Variants in CCDC88B observed in about 807,000 individuals in gnomAD.
CCDC88B encodes the protein coiled-coil domain-containing protein 88B.
Under a neutral mutation model 183.7 loss-of-function variants are expected in CCDC88B, and 138 were observed. The ratio of observed to expected loss-of-function variants is 0.75; its 90% CI spans 0.65 to 0.87. The LOEUF (loss-of-function observed/expected upper bound fraction) is 0.87. Among genes scored for constraint, CCDC88B ranks in the 40% least tolerant of loss-of-function variants. CCDC88B has a pLI of 0.00. For synonymous variants in CCDC88B, 835 were observed against 867.5 expected (o/e 0.96, Z 0.66); for missense variants, 1,822 against 1,965.6 (o/e 0.93, Z 1.38).
Position 64,340,609 on chromosome 11 carries a change from G to A in CCDC88B, c.63G>A (p.Ala21=), listed in dbSNP as rs2035794695. 1 of 1,608,018 alleles carries A rather than the reference G, an allele frequency of 6.2e-7. No homozygotes were observed. The highest frequency in any genetic ancestry group is 8.5e-7 in the Non-Finnish European group (1 of 1,178,982). Residue 21 remains alanine, a splice_region_variant and synonymous_variant, in exon 2 of 27, where the codon GCG becomes GCA. Coordinates refer to ENST00000356786, the MANE Select transcript of CCDC88B (RefSeq NM_032251.6). ...DFLSGSLATW[A]LGLAGLVGEA... is the part of the protein sequence containing the mutation. ...TGACCCCTCTGGGCTCCTCACAGGC[G>A]CTGGGACTGGCCGGGCTGGTCGGGG...
In CCDC88B at chr11:64,341,430, C is replaced by A. The variant is rs961976142; in HGVS notation, c.457C>A (p.Arg153=). 3.1e-6 allele frequency: 5 copies of A among 1,613,946 alleles called. No individual in the cohort carries two copies. Among genetic ancestry groups the A allele is most frequent in the Non-Finnish European group, 4.2e-6 (5 of 1,179,990 alleles). Residue 153 remains arginine, a synonymous_variant, in exon 6 of 27, where the codon CGG becomes AGG. Coordinates refer to ENST00000356786, the MANE Select transcript of CCDC88B (RefSeq NM_032251.6). ...TCCTGTCTCCCCTCAGTGTGAGCAC[C>A]GGGAACTCTTCATCCGCCACATCCA... ...LLGASVQCEH[R]ELFIRHIQGL...
At position 64,352,730 on chromosome 11, in the gene CCDC88B, C is replaced by G. The variant is rs751222360; in HGVS notation, c.3357-14C>G. 1.9e-6 allele frequency: 3 copies of G among 1,613,362 alleles called. No homozygotes were observed. The highest frequency in any genetic ancestry group is 2.5e-6 in the Non-Finnish European group (3 of 1,180,002). On this transcript the variant is annotated splice_polypyrimidine_tract_variant and intron_variant, in intron 19 of 26. Coordinates refer to ENST00000356786, the MANE Select transcript of CCDC88B (RefSeq NM_032251.6). ...TAGGTTCACACAGCCCTCTTAGCCC[C>G]TTGTCCATCCCAGGCACGAGCAGCT...
rs769320748 is a variant in CCDC88B at position 64,344,302 on chromosome 11, G to A, written c.1761G>A (p.Glu587=). The A allele has an allele frequency of 1.9e-6, 3 of 1,613,720 alleles. No homozygotes were observed. Among genetic ancestry groups the A allele is most frequent in the Non-Finnish European group, 1.7e-6 (2 of 1,179,972 alleles). ...QESGSPVETQ[E]SPEKAGRRSS... ...CAGGCTCTCCTGTGGAGACACAGGA[G>A]TCCCCGGAGAAGGCTGGCCGTAGAT... Residue 587 remains glutamate (E), a synonymous_variant, in exon 14 of 27, where the codon GAG becomes GAA. Coordinates refer to ENST00000356786, the MANE Select transcript of CCDC88B (RefSeq NM_032251.6). This position sits in a 1 kb window ranked among gnomAD's most constrained non-coding sequence, Gnocchi z 4.5.
intron 17 of CCDC88B, 76 bp downstream of exon 17, chr11:64,351,331 C>T: frequency 6.7e-7 from 1 of 1,497,248 alleles, no homozygotes; most frequent in Non-Finnish European, 9.0e-7. Context: ...GGACCCTGGG[C>T]TGGGGGGTAT....
At chr11:64,352,068 C>T in intron 18 of CCDC88B, 62 bp from the exon 19 acceptor site, 1 of 1,514,218 alleles carries the variant, frequency 6.6e-7, no homozygotes, top group East Asian at 2.3e-5. Context: ...CCCCCCGCCT[C>T]TCACTCGATT....
intron 26 of CCDC88B, chr11:64,356,143 C>T (rs950638066): frequency 5.3e-5 from 8 of 151,872 alleles, no homozygotes; most frequent in African/African-American, 1.9e-4. Context: ...GGCCACCACG[C>T]CAGGCTAATT....
At chr11:64,342,459 T>C in intron 9 of CCDC88B, 63 bp from the exon 10 acceptor site, 1 of 1,540,330 alleles carries the variant, frequency 6.5e-7, no homozygotes, top group Non-Finnish European at 8.7e-7. Flanking sequence ...ACCCGGCTCC[T>C]TCCCGTCCCT....
intron 10 of CCDC88B, 132 bp downstream of exon 10, chr11:64,342,812 G>T: frequency 8.7e-7 from 1 of 1,149,270 alleles, no homozygotes; most frequent in Admixed American, 3.1e-5. Context: ...AAATGGGTGA[G>T]GACAAATTCA....
In CCDC88B at chr11:64,349,373, C is replaced by A. The variant is rs149017597; in HGVS notation, c.2659C>A (p.Arg887=). The A allele has an allele frequency of 6.2e-7, 1 of 1,612,836 alleles. No homozygotes were observed. The highest frequency in any genetic ancestry group is 1.1e-5 in the South Asian group (1 of 90,944). ...GGTGCGGGGCAAGGAGTTGGGGGAC[C>A]GGCTGGAGCATTTGCAGCGTGAGCT... ...AVVRGKELGD[R]LEHLQRELEQ... is the part of the protein sequence containing the mutation. The change falls in exon 15 of 27, where the codon CGG becomes AGG. Residue 887 remains arginine (R), a synonymous_variant. Coordinates refer to ENST00000356786, the MANE Select transcript of CCDC88B (RefSeq NM_032251.6).
rs767743411 is a variant in CCDC88B, at chr11:64,349,672, A to G, written c.2862+4A>G. On this transcript the variant is annotated splice_donor_region_variant and intron_variant, in intron 16 of 26. Coordinates refer to ENST00000356786, the MANE Select transcript of CCDC88B (RefSeq NM_032251.6). ...GCTGGAAGAGGAGCTGTTCCAGGTG[A>G]TGCCTGCCCGCCTGGGAGCTGGGGG... 4 of 1,584,334 alleles carry G rather than the reference A, an allele frequency of 2.5e-6. No individual in the cohort carries two copies. Among genetic ancestry groups the G allele is most frequent in the Non-Finnish European group, 3.4e-6 (4 of 1,165,242 alleles).
At chr11:64,351,302 G>T (rs1229148626) in intron 17 of CCDC88B, 47 bp downstream of exon 17, 1 of 1,500,848 alleles carries the variant, frequency 6.7e-7, no homozygotes, top group Admixed American at 2.2e-5. Flanking sequence ...CCCGTGCAGT[G>T]TGAGTGTGGG....
At chr11:64,343,637 G>A (rs1337581414) in intron 12 of CCDC88B, 22 bp downstream of exon 12, 6 of 1,548,794 alleles carry the variant, frequency 3.9e-6, no homozygotes, top group Non-Finnish European at 5.2e-6. Context: ...CACTGGAAGG[G>A]CTGGGGTGGG....
chr11:64,344,454 C>A lies in CCDC88B; in HGVS notation c.1913C>A (p.Ala638Asp), dbSNP rs770825285. Residue 638 changes from alanine (A) to aspartate (D), a missense_variant, in exon 14 of 27, where the codon GCC (alanine) becomes GAC (aspartate). Transcript: ENST00000356786. The surrounding 1 kb of genome is among the most constrained non-coding windows in gnomAD (Gnocchi z 4.5). The part of the protein sequence containing the change: ...EAPQGELVPE[A>D]WGLRQEGPEH... ...CCCCAAGGCGAGTTGGTGCCTGAGG[C>A]CTGGGGGTTGAGACAGGAGGGCCCT... is the stretch of plus-strand genomic sequence containing the variant. 1.9e-6 allele frequency: 3 copies of A among 1,594,082 alleles called. No homozygotes were observed. The highest frequency in any genetic ancestry group is 2.6e-6 in the Non-Finnish European group (3 of 1,170,672).
Position 64,342,645 on chromosome 11 carries a change from CTGCAGGCGGCTG to C in CCDC88B, c.1028_1039del (p.Leu343_Glu347delinsGln). On this transcript the variant is annotated inframe_deletion, in exon 10 of 27. Coordinates refer to ENST00000356786, the MANE Select transcript of CCDC88B (RefSeq NM_032251.6). Reference sequence around the variant, plus strand: ...GGAGCTGAGGCGCTGCCGCGAGCGGCTGCAGGCGGCTGAGGCCTACAAGAGTCAGCTGGAGGT... The same window carrying C: ...GGAGCTGAGGCGCTGCCGCGAGCGGCAGGCCTACAAGAGTCAGCTGGAGGT... 1 of 1,520,226 alleles carries C rather than the reference CTGCAGGCGGCTG, an allele frequency of 6.6e-7. No homozygotes were observed. Among genetic ancestry groups the C allele is most frequent in the Non-Finnish European group, 8.8e-7 (1 of 1,140,818 alleles). The allele number at this position is 1,520,226 out of a possible 1,614,324, so 94.2% of individuals were successfully genotyped here.
intron 14 of CCDC88B, chr11:64,348,714 C>G: frequency 7.0e-6 from 3 of 428,078 alleles, no homozygotes; most frequent in Non-Finnish European, 1.3e-5. Flanking sequence ...CCTGCCAGGC[C>G]CCCCATGTGG....
chr11:64,343,706 C>G, intron 12 of CCDC88B, 72 bp from the exon 13 acceptor site: 5 of 1,532,558 alleles, frequency 3.3e-6, no homozygotes, highest in Non-Finnish European at 4.4e-6. Context: ...TCCCTTCTCC[C>G]AAGCCTCTGG....
intron 9 of CCDC88B, 63 bp downstream of exon 9, chr11:64,342,438 C>A: frequency 1.3e-6 from 2 of 1,545,866 alleles, no homozygotes; most frequent in Non-Finnish European, 1.7e-6. Flanking sequence ...GGTCCCATTG[C>A]CTCCCTCCCA....
Position 64,353,782 on chromosome 11 carries a change from G to A in CCDC88B, c.3901G>A (p.Val1301Met), listed in dbSNP as rs1355835795. Reference sequence around the variant, plus strand: ...GGAGAAGATCATGGACCAATACCGCGTGCTGGAGCCTGTGCCCCTGCCCCG... The same window carrying A: ...GGAGAAGATCATGGACCAATACCGCATGCTGGAGCCTGTGCCCCTGCCCCG... ...LVEKIMDQYR[V>M]LEPVPLPRTK... The change falls in exon 23 of 27, where the codon GTG (valine) becomes ATG (methionine). Residue 1301 changes from valine to methionine, a missense_variant. Physicochemically the swap from Val to Met is conservative, Grantham distance 21. Transcript: ENST00000356786. 4.3e-6 allele frequency: 7 copies of A among 1,613,946 alleles called. No homozygotes were observed. Among genetic ancestry groups the A allele is most frequent in the African/African-American group, 2.7e-5 (2 of 74,896 alleles).
Position 64,344,725 on chromosome 11 carries a change from G to A in CCDC88B, c.2184G>A (p.Glu728=). ...TGGCCAGTGGTGTCGCAGAGCAGGA[G>A]GCCCTCAGGGAGGAGGTGGCACAGT... ...ESLASGVAEQ[E]ALREEVAQLR... is the part of the protein sequence containing the mutation. Residue 728 remains glutamate, a synonymous_variant, in exon 14 of 27, where the codon GAG becomes GAA. Coordinates refer to ENST00000356786, the MANE Select transcript of CCDC88B (RefSeq NM_032251.6). This position sits in a 1 kb window ranked among gnomAD's most constrained non-coding sequence, Gnocchi z 4.5. 6.2e-7 allele frequency: 1 copy of A among 1,614,144 alleles called. No homozygotes were observed. Among genetic ancestry groups the A allele is most frequent in the Non-Finnish European group, 8.5e-7 (1 of 1,180,012 alleles).
Sources: gnomAD v4.1 joint callset for allele counts on GRCh38, gnomAD v4.1.1 for gene constraint, Gnocchi (gnomAD v3.1) non-coding constraint, MANE v1.5 for transcripts, NCBI Gene and HGNC (gene_info 2026-07-23, HGNC 2026-07-21) for gene names.